FAM135B: variants seen among roughly 807,000 people sequenced by gnomAD.
The protein encoded by FAM135B is protein FAM135B.
Under a neutral mutation model 127.7 loss-of-function variants are expected in FAM135B, and 43 were observed. That is an observed-to-expected ratio of 0.34 (90% CI 0.26 to 0.43). The LOEUF (loss-of-function observed/expected upper bound fraction) is 0.43, where lower values mean the gene tolerates loss of function less well. FAM135B is among the 20% of genes least tolerant of loss of function. FAM135B has a pLI of 1.00. For synonymous variants in FAM135B, 670 were observed against 665.1 expected (o/e 1.01, Z -0.11); for missense variants, 1,558 against 1,725.6 (o/e 0.90, Z 1.72).
At chr8:138,251,077 A>G (rs1821667536) in intron 5 of FAM135B, 63 bp from the exon 6 acceptor site, 1 of 1,589,762 alleles carries the variant, frequency 6.3e-7, no homozygotes, top group Non-Finnish European at 8.6e-7. Flanking sequence ...TCCTCCTAGC[A>G]TGTCTGTATT....
At chr8:138,221,723 G>A (rs1174281033) in intron 7 of FAM135B, among the ~76,000 whole-genome samples, 4 of 152,176 alleles carry the variant, frequency 2.6e-5, no homozygotes, top group Admixed American at 6.6e-5. Context: ...AATTAGCCTA[G>A]AGTAAAAGCT....
At chr8:138,266,888 T>G (rs1335224565) in intron 3 of FAM135B, among the ~76,000 whole-genome samples, 2 of 150,474 alleles carry the variant, frequency 1.3e-5, no homozygotes, top group Non-Finnish European at 1.5e-5. Flanking sequence ...TACCTATTGA[T>G]TACCTATTTA....
chr8:138,243,193 C>A lies in FAM135B; in HGVS notation c.543-125G>T. On this transcript the variant is annotated intron_variant, in intron 6 of 19. Transcript: ENST00000395297. The surrounding 1 kb of genome is among the most constrained non-coding windows in gnomAD (Gnocchi z 7.5). ...ATAAGTCATTTAGGAGTAGTTCACC[C>A]CCTAGGGAGTGTTTGCATGTGACAT... 1 of 1,110,438 alleles carries A rather than the reference C, an allele frequency of 9.0e-7. No individual in the cohort carries two copies. The highest frequency in any genetic ancestry group is 1.2e-6 in the Non-Finnish European group (1 of 808,506). The allele number at this position is 1,110,438 out of a possible 1,614,324, so 68.8% of individuals were successfully genotyped here.
chr8:138,155,596 G>A (rs1408223198), intron 12 of FAM135B, among the ~76,000 whole-genome samples: 2 of 152,128 alleles, frequency 1.3e-5, no homozygotes, highest in Non-Finnish European at 2.9e-5. Flanking sequence ...AAGGGATGGA[G>A]GAAGATCTAC....
intron 1 of FAM135B, among the ~76,000 whole-genome samples, chr8:138,389,710 G>T (rs901152964): frequency 6.6e-6 from 1 of 152,184 alleles, no homozygotes; most frequent in Non-Finnish European, 1.5e-5. Context: ...CTTCTGAGAT[G>T]ATGAAATATT....
At chr8:138,328,253 T>C (rs921740492) in intron 2 of FAM135B, among the ~76,000 whole-genome samples, 1 of 152,128 alleles carries the variant, frequency 6.6e-6, no homozygotes, top group Admixed American at 6.6e-5. Context: ...ATTTTACAAC[T>C]CTAAATGAAT....
chr8:138,322,934 G>C (rs1827549659), intron 2 of FAM135B, among the ~76,000 whole-genome samples: 1 of 152,158 alleles, frequency 6.6e-6, no homozygotes. Flanking sequence ...CAAAAGATAA[G>C]AAACAAAAAA....
chr8:138,341,609 GA>G lies in FAM135B; in HGVS notation c.77+26297del, dbSNP rs149518372. Among the ~76,000 whole-genome samples, 1,400 of 152,126 alleles carry G rather than the reference GA, an allele frequency of 9.2e-3. 24 individuals are homozygous for G. Among genetic ancestry groups the G allele is most frequent in the African/African-American group, 0.032 (1,343 of 41,496 alleles). On this transcript the variant is annotated intron_variant, in intron 2 of 19. Coordinates refer to ENST00000395297, the MANE Select transcript of FAM135B (RefSeq NM_015912.4). ...ATATTATGCATATTTTACCAAAATT[GA>G]AAAAAATTAAAAAGGTTTTTGGTAA... is the stretch of plus-strand genomic sequence containing the variant.
chr8:138,155,274 T>C (rs1375760166), intron 12 of FAM135B, among the ~76,000 whole-genome samples: 5 of 152,150 alleles, frequency 3.3e-5, no homozygotes, highest in African/African-American at 4.8e-5. Context: ...CAGGCCTGCC[T>C]TACAAGAGCT....
intron 9 of FAM135B, among the ~76,000 whole-genome samples, chr8:138,191,479 T>C (rs1289222833): frequency 6.6e-6 from 1 of 152,198 alleles, no homozygotes; most frequent in Non-Finnish European, 1.5e-5. Context: ...CCATTCATTC[T>C]AGCATTTATT....
At chr8:138,411,077 C>T (rs1179298810) in intron 1 of FAM135B, among the ~76,000 whole-genome samples, 2 of 134,282 alleles carry the variant, frequency 1.5e-5, no homozygotes, top group East Asian at 2.0e-4. Flanking sequence ...AGGTAATTTA[C>T]AGATTCAATG....
intron 7 of FAM135B, among the ~76,000 whole-genome samples, chr8:138,226,466 C>T (rs7840115): frequency 0.019 from 2,867 of 152,190 alleles, 74 homozygotes; most frequent in African/African-American, 0.065. Flanking sequence ...GGATGAGTAA[C>T]GCCAAAGAGT....
Position 138,416,503 on chromosome 8 carries a change from T to C in FAM135B, c.-19-48501A>G, listed in dbSNP as rs77076115. On this transcript the variant is annotated intron_variant, in intron 1 of 19. Coordinates refer to ENST00000395297, the MANE Select transcript of FAM135B (RefSeq NM_015912.4). ...CCTCACTTTTTATCTTGTGTTATCA[T>C]CCTTTTAGTCTATCTTTTCCCCTTC... Among the ~76,000 whole-genome samples the C allele has an allele frequency of 9.5e-3, 1,442 of 152,272 alleles. 24 individuals carry two copies. Among genetic ancestry groups the C allele is most frequent in the African/African-American group, 0.033 (1,352 of 41,554 alleles).
chr8:138,199,611 C>G (rs1406779184), intron 7 of FAM135B, among the ~76,000 whole-genome samples: 1 of 152,116 alleles, frequency 6.6e-6, no homozygotes, highest in Non-Finnish European at 1.5e-5. Flanking sequence ...TAAAGAAATA[C>G]GTGAGACTGG....
At chr8:138,419,768 A>T (rs1379575540) in intron 1 of FAM135B, among the ~76,000 whole-genome samples, 2 of 152,190 alleles carry the variant, frequency 1.3e-5, no homozygotes, top group African/African-American at 4.8e-5. Context: ...AAAGAATGAA[A>T]TTAAGACAGA....
chr8:138,412,831 C>A (rs1833935962), intron 1 of FAM135B, among the ~76,000 whole-genome samples: 1 of 152,186 alleles, frequency 6.6e-6, no homozygotes, highest in African/African-American at 2.4e-5. Context: ...GAGACAGCCA[C>A]CTGGCAACAC....
chr8:138,439,286 T>C (rs1447644584), intron 1 of FAM135B: 1 of 152,190 alleles, frequency 6.6e-6, no homozygotes, highest in Non-Finnish European at 1.5e-5. Context: ...GTGTGGTCAA[T>C]ATGAGAGAAT....
At chr8:138,413,711 G>A (rs1296523347) in intron 1 of FAM135B, among the ~76,000 whole-genome samples, 1 of 151,986 alleles carries the variant, frequency 6.6e-6, no homozygotes, top group Non-Finnish European at 1.5e-5. Context: ...ATTCTGTGTT[G>A]AAAGTTAGGG....
chr8:138,398,619 A>G (rs1238115067), intron 1 of FAM135B, among the ~76,000 whole-genome samples: 3 of 152,224 alleles, frequency 2.0e-5, no homozygotes, highest in Non-Finnish European at 4.4e-5. Context: ...TGCAGACATT[A>G]GAAGCTGCAT....
Sources: allele counts gnomAD v4.1 joint callset (sites outside exome capture counted in the v4.1 genomes callset), GRCh38; gene constraint gnomAD v4.1.1; non-coding constraint Gnocchi (gnomAD v3.1); transcripts MANE v1.5; gene names NCBI Gene and HGNC (gene_info 2026-07-23, HGNC 2026-07-21).